Variants in PRX observed in about 807,000 individuals in gnomAD.
The protein encoded by PRX is periaxin.
Under a neutral mutation model 29.6 loss-of-function variants are expected in PRX, and 24 were observed. That is an observed-to-expected ratio of 0.81 (90% CI 0.59 to 1.14). PRX has a LOEUF of 1.14. Among genes scored for constraint, PRX ranks in the 50% most tolerant of loss-of-function variants. PRX has a pLI of 0.00. For synonymous variants in PRX, 772 were observed against 831.7 expected, an observed-to-expected ratio of 0.93 and a Z score of 1.24; for missense variants, 1,838 against 1,926.4, an observed-to-expected ratio of 0.95 and a Z score of 0.86.
chr19:40,403,546 T>C (rs1253611758), intron 5 of PRX, among the ~76,000 whole-genome samples, 160 bp downstream of exon 5: 2 of 152,094 alleles, frequency 1.3e-5, no homozygotes, highest in African/African-American at 4.8e-5. Flanking sequence ...CGGAATTTGC[T>C]GTGAACAGTC....
rs148655811 is a variant in PRX at position 40,396,045 on chromosome 19, C to T, written c.2307G>A (p.Pro769=). ...TGGGCAGCTTCACCTCTGGTGCCTT[C>T]GGAAGATGCACGTCGGGAACCTTCG... The part of the protein sequence containing the change: ...QVPKVPDVHL[P]KAPEVKLPRA... The change falls in exon 7 of 7, where the codon CCG becomes CCA. Residue 769 remains proline, a synonymous_variant. Coordinates refer to ENST00000324001, the MANE Select transcript of PRX (RefSeq NM_181882.3). 1.9e-5 allele frequency: 30 copies of T among 1,614,166 alleles called. No homozygotes were observed. Among genetic ancestry groups the T allele is most frequent in the Admixed American group, 5.0e-5 (3 of 60,034 alleles).
upstream of PRX, among the ~76,000 whole-genome samples, chr19:40,414,105 T>G (rs2079571168): frequency 6.6e-6 from 1 of 152,120 alleles, no homozygotes; most frequent in African/African-American, 2.4e-5. Context: ...ATCAAGGGTG[T>G]AAAATGGGCT....
At chr19:40,407,469 ATT>A in intron 4 of PRX, 3 of 226,374 alleles carry the variant, frequency 1.3e-5, no homozygotes, top group East Asian at 1.2e-4. Flanking sequence ...AACCCGGCTC[ATT>A]TTTTTTTCCG....
intron 5 of PRX, among the ~76,000 whole-genome samples, chr19:40,399,900 TTTCTTTTTC>T: frequency 1.5e-5 from 1 of 68,556 alleles, no homozygotes; most frequent in African/African-American, 1.4e-4. Context: ...TCTTTCTTTC[TTTCTTTTTC>T]TTTCTTTCTT....
chr19:40,403,922 G>T, intron 4 of PRX, 60 bp from the exon 5 acceptor site: 2 of 1,568,110 alleles, frequency 1.3e-6, no homozygotes, highest in Non-Finnish European at 1.7e-6. Context: ...CCCAGAGCCC[G>T]CCATTGCGCT....
At chr19:40,411,813 C>G (rs2079559952) in intron 1 of PRX, among the ~76,000 whole-genome samples, 1 of 152,194 alleles carries the variant, frequency 6.6e-6, no homozygotes, top group Non-Finnish European at 1.5e-5. Context: ...GGCAGATCCA[C>G]TGGGACCAGG....
intron 1 of PRX, among the ~76,000 whole-genome samples, chr19:40,409,546 T>C (rs928211354): frequency 6.6e-6 from 1 of 151,470 alleles, no homozygotes; most frequent in African/African-American, 2.4e-5. Flanking sequence ...GAATTCGGCT[T>C]ACTACAACCT....
chr19:40,398,746 T>C lies in PRX; in HGVS notation c.255A>G (p.Gln85=). The part of the protein sequence containing the change: ...FKYEDALRLL[Q]CAEPYKVSFC... ...AGGAGACTTTGTAAGGCTCGGCGCATTGCAGCAGGCGTAGTGCGTCCTCGT... is the reference window on the plus strand; with the variant it reads ...AGGAGACTTTGTAAGGCTCGGCGCACTGCAGCAGGCGTAGTGCGTCCTCGT... Residue 85 remains glutamine (Q), a synonymous_variant, in exon 6 of 7, where the codon CAA becomes CAG. Transcript: ENST00000324001. The surrounding 1 kb of genome is among the most constrained non-coding windows in gnomAD (Gnocchi z 6.3). The C allele has an allele frequency of 6.2e-7, 1 of 1,614,040 alleles. No homozygotes were observed. Among genetic ancestry groups the C allele is most frequent in the Non-Finnish European group, 8.5e-7 (1 of 1,179,960 alleles).
chr19:40,394,157 G>C lies in PRX; in HGVS notation c.4195C>G (p.Pro1399Ala). The part of the protein sequence containing the change: ...ASRGQEGDAA[P>A]KSPVREKSPK... ...GACTTCTCTCTGACGGGGGACTTGG[G>C]GGCTGCATCGCCCTCCTGCCCCCGA... Residue 1399 changes from proline to alanine, a missense_variant, in exon 7 of 7, where the codon CCC becomes GCC. Transcript: ENST00000324001. The surrounding 1 kb of genome is among the most constrained non-coding windows in gnomAD (Gnocchi z 5.8). 1 of 1,590,946 alleles carries C rather than the reference G, an allele frequency of 6.3e-7. No homozygotes were observed. The highest frequency in any genetic ancestry group is 8.6e-7 in the Non-Finnish European group (1 of 1,165,724).
chr19:40,406,430 G>A (rs538747467), intron 4 of PRX, among the ~76,000 whole-genome samples: 32 of 152,130 alleles, frequency 2.1e-4, no homozygotes, highest in Admixed American at 1.8e-3. Context: ...CACAGAGGAG[G>A]ACACTAAGGC....
rs2145732499 is a variant in PRX, at chr19:40,397,686, C to T, written c.666G>A (p.Glu222=). 7 of 1,559,874 alleles carry T rather than the reference C, an allele frequency of 4.5e-6. No homozygotes were observed. Among genetic ancestry groups the T allele is most frequent in the Non-Finnish European group, 6.0e-6 (7 of 1,158,158 alleles). ...PPPRKAKVEA[E]VAAGARFTAP... ...CTGTGAAACGAGCTCCTGCAGCCAC[C>T]TCAGCCTCCACCTTGGCTTTCCTGG... Residue 222 remains glutamate (E), a synonymous_variant, in exon 7 of 7, where the codon GAG becomes GAA. Transcript: ENST00000324001.
rs916285011 is a variant in PRX, at chr19:40,394,547, C to T, written c.3805G>A (p.Glu1269Lys). 7 of 1,605,694 alleles carry T rather than the reference C, an allele frequency of 4.4e-6. No homozygotes were observed. In the Admixed American group the frequency reaches 5.1e-5, roughly 12 times the overall value. Residue 1269 changes from glutamate to lysine, a missense_variant, in exon 7 of 7, where the codon GAG becomes AAG. Transcript: ENST00000324001. This position sits in a 1 kb window ranked among gnomAD's most constrained non-coding sequence, Gnocchi z 5.8. ...EGAEEQPPGA[E>K]RTFCLSLPDV... is the part of the protein sequence containing the mutation. ...GGCAGTGAGAGGCAGAAGGTACGCT[C>T]GGCCCCTGGGGGCTGCTCCTCAGCA...
Position 40,398,170 on chromosome 19 carries a change from G to T in PRX, c.382-200C>A. The T allele has an allele frequency of 1.4e-6, 2 of 1,428,384 alleles. No homozygotes were observed. The highest frequency in any genetic ancestry group is 1.8e-6 in the Non-Finnish European group (2 of 1,096,150). The allele number at this position is 1,428,384 out of a possible 1,614,324, so 88.5% of individuals were successfully genotyped here. ...AGGCAGCCATCTAGGATCTCCAAAT[G>T]AGTCAACAGGAGTGTAGGGACGGGG... is the stretch of plus-strand genomic sequence containing the variant. On this transcript the variant is annotated intron_variant, in intron 6 of 6. Transcript: ENST00000324001. The surrounding 1 kb of genome is among the most constrained non-coding windows in gnomAD (Gnocchi z 6.3).
intron 1 of PRX, among the ~76,000 whole-genome samples, chr19:40,411,324 A>G (rs890762148): frequency 2.0e-5 from 3 of 152,142 alleles, no homozygotes; most frequent in Non-Finnish European, 4.4e-5. Flanking sequence ...TGATGAGTCA[A>G]TGAGAGTTAA....
Position 40,407,939 on chromosome 19 carries a change from G to T in PRX, c.-7C>A. On this transcript the variant is annotated 5_prime_UTR_variant, in exon 4 of 7. Transcript: ENST00000324001. ...TCCGGCTCCTGGCCTCCATGGCGTT[G>T]CTGGGAGGCACCTGCACCCCAGGCT... The T allele has an allele frequency of 6.2e-7, 1 of 1,613,714 alleles. No homozygotes were observed.
Position 40,408,051 on chromosome 19 carries a change from G to C in PRX, c.-99-20C>G, listed in dbSNP as rs148577357. On this transcript the variant is annotated intron_variant, in intron 3 of 6. Coordinates refer to ENST00000324001, the MANE Select transcript of PRX (RefSeq NM_181882.3). The stretch of plus-strand genomic sequence containing the variant: ...CTGAGCCTGTGGGAGGACAGCAGTG[G>C]AGGCTTGAGGCCAGTAGGGGACGAG... The C allele has an allele frequency of 4.1e-4, 552 of 1,351,862 alleles. 2 individuals are homozygous for C. Among genetic ancestry groups the C allele is most frequent in the Middle Eastern group, 2.9e-3 (12 of 4,156 alleles). 83.7% of individuals were successfully genotyped at this position (1,351,862 alleles called of 1,614,324 possible).
At chr19:40,407,880 G>A (rs1300678683) in intron 4 of PRX, 26 bp downstream of exon 4, 8 of 1,612,594 alleles carry the variant, frequency 5.0e-6, no homozygotes, top group East Asian at 2.2e-5. Context: ...CCTCAAGTGC[G>A]CCTTGCAGGA....
intron 1 of PRX, among the ~76,000 whole-genome samples, chr19:40,409,773 G>C (rs1292327151): frequency 6.6e-6 from 1 of 152,050 alleles, no homozygotes; most frequent in African/African-American, 2.4e-5. Flanking sequence ...CACCTGTCAG[G>C]CCATTATTAT....
At position 40,394,526 on chromosome 19, in the gene PRX, G is replaced by C. The variant is rs370802101; in HGVS notation, c.3826C>G (p.Leu1276Val). 6.2e-7 allele frequency: 1 copy of C among 1,602,238 alleles called. No individual in the cohort carries two copies. Among genetic ancestry groups the C allele is most frequent in the Non-Finnish European group, 8.5e-7 (1 of 1,175,090 alleles). Reference protein sequence around the residue: ...PGAERTFCLSLPDVELSPSGG... With the variant: ...PGAERTFCLSVPDVELSPSGG... ...GATGGCGAGAGCTCCACGTCGGGCA[G>C]TGAGAGGCAGAAGGTACGCTCGGCC... Residue 1276 changes from leucine (L) to valine (V), a missense_variant, in exon 7 of 7, where the codon CTG becomes GTG. Around this residue, in one of 3 missense-constraint regions of PRX, gnomAD observed 1,143 missense variants for 1,193.0 expected, o/e 0.96. Coordinates refer to ENST00000324001, the MANE Select transcript of PRX (RefSeq NM_181882.3). This position sits in a 1 kb window ranked among gnomAD's most constrained non-coding sequence, Gnocchi z 5.8.
Sources: gnomAD v4.1 joint callset for allele counts (sites outside exome capture counted in the v4.1 genomes callset) on GRCh38, gnomAD v4.1.1 for gene constraint, gnomAD v4.1.1 regional missense constraint, Gnocchi (gnomAD v3.1) non-coding constraint, MANE v1.5 for transcripts, NCBI Gene and HGNC (gene_info 2026-07-23, HGNC 2026-07-21) for gene names.